RFX3: variants seen among roughly 807,000 people sequenced by gnomAD.
The protein encoded by RFX3 is regulatory factor X3.
In RFX3, 14 loss-of-function variants were observed where a neutral mutation model predicts 98.6. That is an observed-to-expected ratio of 0.14 (90% CI 0.09 to 0.22). The LOEUF (loss-of-function observed/expected upper bound fraction) is 0.22. Ranked by LOEUF, RFX3 falls within the 10% of genes least tolerant of loss-of-function variation. RFX3 has a pLI of 1.00. For missense variants in RFX3, 639 were observed against 926.9 expected (o/e 0.69, Z 4.03); for synonymous variants, 383 against 328.4 (o/e 1.17, Z -1.80).
intron 1 of RFX3, among the ~76,000 whole-genome samples, chr9:3,484,915 C>G (rs1234739621): frequency 6.6e-6 from 1 of 150,526 alleles, no homozygotes; most frequent in Admixed American, 6.6e-5. Context: ...GAGACACCCC[C>G]CCCCACCCCA....
chr9:3,399,058 C>G lies in RFX3; in HGVS notation c.-8-3462G>C, dbSNP rs368751274. Among the ~76,000 whole-genome samples the G allele has an allele frequency of 4.3e-3, 646 of 151,842 alleles. 7 individuals are homozygous for G. Among genetic ancestry groups the G allele is most frequent in the African/African-American group, 0.015 (613 of 41,408 alleles). On this transcript the variant is annotated intron_variant, in intron 1 of 16. Transcript: ENST00000617270. ...GCCTTCTATGGACTACATTTGACTCCCCACTCGGGTTTTGTTTGACTCAGA... is the reference window on the plus strand; with the variant it reads ...GCCTTCTATGGACTACATTTGACTCGCCACTCGGGTTTTGTTTGACTCAGA...
At chr9:3,350,207 G>C (rs1163103541) in intron 2 of RFX3, among the ~76,000 whole-genome samples, 1 of 152,088 alleles carries the variant, frequency 6.6e-6, no homozygotes, top group East Asian at 1.9e-4. Flanking sequence ...AAGAATATTT[G>C]CAATACTGAT....
intron 1 of RFX3, among the ~76,000 whole-genome samples, chr9:3,498,126 T>C (rs772420932): frequency 5.7e-4 from 87 of 152,074 alleles, no homozygotes; most frequent in Non-Finnish European, 1.1e-3. Flanking sequence ...TCTGAATTAA[T>C]CTCCTTTTCA....
chr9:3,475,815 A>G (rs1375214068), intron 1 of RFX3, among the ~76,000 whole-genome samples: 2 of 152,168 alleles, frequency 1.3e-5, no homozygotes, highest in East Asian at 3.9e-4. Flanking sequence ...CCTCCACAAG[A>G]GGTGGAGTAG....
At chr9:3,278,709 G>A (rs144563484) in intron 7 of RFX3, among the ~76,000 whole-genome samples, 1 of 151,766 alleles carries the variant, frequency 6.6e-6, no homozygotes, top group Non-Finnish European at 1.5e-5. Flanking sequence ...GTTATCAATT[G>A]CAACTCAGAT....
intron 7 of RFX3, among the ~76,000 whole-genome samples, chr9:3,279,016 C>T (rs1311560188): frequency 6.6e-6 from 1 of 151,756 alleles, no homozygotes; most frequent in Non-Finnish European, 1.5e-5. Context: ...CCAAATATAA[C>T]AGAAGAGTTA....
intron 1 of RFX3, among the ~76,000 whole-genome samples, chr9:3,518,375 G>C (rs924208490): frequency 1.3e-5 from 2 of 152,174 alleles, no homozygotes; most frequent in African/African-American, 2.4e-5. Context: ...CAGTCTAATT[G>C]ATATGTTGGG....
chr9:3,448,720 A>G (rs1267154816), intron 1 of RFX3, among the ~76,000 whole-genome samples: 5 of 152,074 alleles, frequency 3.3e-5, no homozygotes, highest in African/African-American at 1.2e-4. Flanking sequence ...GAATCTCACT[A>G]TGTTGCCCAG....
intron 1 of RFX3, among the ~76,000 whole-genome samples, chr9:3,404,210 A>G (rs1841746206): frequency 1.3e-5 from 2 of 152,194 alleles, no homozygotes; most frequent in East Asian, 1.9e-4. Context: ...ACCTCTATAT[A>G]TTCATATACA....
intron 4 of RFX3, among the ~76,000 whole-genome samples, chr9:3,307,162 T>C (rs1284542671): frequency 1.3e-5 from 2 of 152,178 alleles, no homozygotes; most frequent in African/African-American, 4.8e-5. Context: ...CACGATGAAC[T>C]GTGAGCTATA....
intron 13 of RFX3, 83 bp downstream of exon 13, chr9:3,262,852 A>T: frequency 7.0e-7 from 1 of 1,425,684 alleles, no homozygotes. Flanking sequence ...TGAGACTTTG[A>T]AAAGAAATTT....
At chr9:3,264,974 A>T (rs1823426620) in intron 12 of RFX3, among the ~76,000 whole-genome samples, 1 of 152,192 alleles carries the variant, frequency 6.6e-6, no homozygotes, top group Non-Finnish European at 1.5e-5. Flanking sequence ...GAAAGTTGAA[A>T]AGGATTCCTT....
chr9:3,373,157 C>T (rs1365243891), intron 2 of RFX3, among the ~76,000 whole-genome samples: 2 of 152,114 alleles, frequency 1.3e-5, no homozygotes, highest in African/African-American at 2.4e-5. Context: ...ATTCATGAGG[C>T]TTTATAGATA....
intron 4 of RFX3, among the ~76,000 whole-genome samples, chr9:3,327,467 C>G (rs1832049409): frequency 6.6e-6 from 1 of 152,052 alleles, no homozygotes; most frequent in South Asian, 2.1e-4. Flanking sequence ...ACAATAAACA[C>G]TAGCAGAAGT....
intron 15 of RFX3, among the ~76,000 whole-genome samples, chr9:3,243,912 A>G (rs552036515): frequency 2.6e-5 from 4 of 152,328 alleles, no homozygotes; most frequent in African/African-American, 9.6e-5. Flanking sequence ...GCGTGGTTTC[A>G]GAACCTGATT....
At chr9:3,282,641 T>A (rs1826057298) in intron 7 of RFX3, among the ~76,000 whole-genome samples, 1 of 151,754 alleles carries the variant, frequency 6.6e-6, no homozygotes, top group Non-Finnish European at 1.5e-5. Flanking sequence ...CTTCATTGAG[T>A]CCTCTAAGCA....
At position 3,333,723 on chromosome 9, in the gene RFX3, T is replaced by C. The variant is rs376386262; in HGVS notation, c.216-3206A>G. On this transcript the variant is annotated intron_variant, in intron 3 of 16. Coordinates refer to ENST00000617270, the MANE Select transcript of RFX3 (RefSeq NM_001282116.2). ...GTCAAATAAGCTGTACAAATAGATA[T>C]AGAACAATAAATACTTTGAGAGATG... Among the ~76,000 whole-genome samples, 123 of 152,278 alleles carry C rather than the reference T, an allele frequency of 8.1e-4. 1 individual carries two copies. The highest frequency in any genetic ancestry group is 2.8e-3 in the African/African-American group (118 of 41,558).
At chr9:3,336,401 A>G (rs1833181368) in intron 3 of RFX3, among the ~76,000 whole-genome samples, 1 of 152,096 alleles carries the variant, frequency 6.6e-6, no homozygotes. Flanking sequence ...ATTCCTATGA[A>G]AGCAAAAAAA....
intron 1 of RFX3, among the ~76,000 whole-genome samples, chr9:3,467,277 T>C (rs1200543331): frequency 1.4e-5 from 2 of 145,822 alleles, no homozygotes; most frequent in Non-Finnish European, 3.0e-5. Context: ...CATACATACA[T>C]ATATATACAT....
Sources: gnomAD v4.1 joint callset for allele counts (sites outside exome capture counted in the v4.1 genomes callset) on GRCh38, gnomAD v4.1.1 for gene constraint, MANE v1.5 for transcripts, NCBI Gene and HGNC (gene_info 2026-07-23, HGNC 2026-07-21) for gene names.